PSD3: variants seen among roughly 807,000 people sequenced by gnomAD.
PSD3 encodes PH and SEC7 domain-containing protein 3.
A neutral mutation model predicts 105.5 loss-of-function variants in PSD3; 49 were observed. The ratio of observed to expected loss-of-function variants is 0.46; its 90% confidence interval spans 0.37 to 0.59. PSD3 has a LOEUF of 0.59. Among genes scored for constraint, PSD3 ranks in the 20% least tolerant of loss-of-function variants. The pLI is 0.00. For synonymous variants in PSD3, 557 were observed against 457.8 expected (o/e 1.22, Z -2.77); for missense variants, 1,561 against 1,263.8 (o/e 1.24, Z -3.57).
intron 15 of PSD3, among the ~76,000 whole-genome samples, chr8:18,548,343 G>A (rs78157794): frequency 1.3e-5 from 2 of 152,158 alleles, no homozygotes; most frequent in African/African-American, 4.8e-5. Context: ...TTGGTTACTA[G>A]AATATTATTA....
rs1351888886 is a variant in PSD3, at chr8:18,660,897, G to C, written c.2173-5212C>G. ...GATCATCATTTTTAAGAATAACAAA[G>C]CAAAGAAAATTGCTTAAATTACAGA... On this transcript the variant is annotated intron_variant, in intron 9 of 15. Coordinates refer to ENST00000327040, the MANE Select transcript of PSD3 (RefSeq NM_015310.4). Among the ~76,000 whole-genome samples, 3 of 152,268 alleles carry C rather than the reference G, an allele frequency of 2.0e-5. No homozygotes were observed. The East Asian group carries it at 5.8e-4, about 29-fold the overall frequency.
intron 1 of PSD3, among the ~76,000 whole-genome samples, chr8:18,959,617 A>C (rs1486864694): frequency 2.6e-5 from 4 of 152,054 alleles, no homozygotes; most frequent in African/African-American, 9.7e-5. Context: ...CTTTCTGCCC[A>C]CACTCACATT....
chr8:19,082,589 G>T (rs1313311318), intron 1 of PSD3, among the ~76,000 whole-genome samples: 1 of 148,218 alleles, frequency 6.7e-6, no homozygotes, highest in Non-Finnish European at 1.5e-5. Flanking sequence ...CTCTGAATTA[G>T]GTGGACAAGG....
chr8:18,825,418 T>C (rs1813094562), intron 4 of PSD3, among the ~76,000 whole-genome samples: 1 of 152,138 alleles, frequency 6.6e-6, no homozygotes, highest in Non-Finnish European at 1.5e-5. Context: ...GCAACCCGGT[T>C]TGAGAATCAC....
chr8:18,699,471 T>C lies in PSD3; in HGVS notation c.2173-43786A>G, dbSNP rs141226585. ...CACAGTCAGGCAAGACGACCCAACA[T>C]TTCTTTCTTGAGCTTATTTTCAGGT... On this transcript the variant is annotated intron_variant, in intron 9 of 15. Transcript: ENST00000327040. Among the ~76,000 whole-genome samples, 471 of 152,310 alleles carry C rather than the reference T, an allele frequency of 3.1e-3. 2 individuals are homozygous for C. Among genetic ancestry groups the C allele is most frequent in the African/African-American group, 0.011 (439 of 41,568 alleles).
chr8:18,967,707 G>T (rs546389921), intron 1 of PSD3, among the ~76,000 whole-genome samples: 3 of 152,066 alleles, frequency 2.0e-5, no homozygotes, highest in Non-Finnish European at 4.4e-5. Flanking sequence ...GATGTTGGTA[G>T]GAGGAATTCC....
intron 1 of PSD3, among the ~76,000 whole-genome samples, chr8:19,031,569 A>G (rs1200012295): frequency 6.6e-6 from 1 of 152,058 alleles, no homozygotes; most frequent in African/African-American, 2.4e-5. Context: ...TGAAAAAAGT[A>G]TCAAACACAT....
chr8:18,890,739 T>C (rs1818733061), intron 2 of PSD3, among the ~76,000 whole-genome samples: 1 of 151,980 alleles, frequency 6.6e-6, no homozygotes, highest in South Asian at 2.1e-4. Flanking sequence ...AAGCTCATTG[T>C]CTTGAGTTAC....
intron 2 of PSD3, among the ~76,000 whole-genome samples, chr8:18,897,343 G>A (rs1373401779): frequency 1.3e-5 from 2 of 152,000 alleles, no homozygotes; most frequent in Non-Finnish European, 2.9e-5. Context: ...TTATTTTTCT[G>A]GGTTCTATAT....
At chr8:18,838,519 C>T (rs541752820) in intron 4 of PSD3, among the ~76,000 whole-genome samples, 3 of 152,064 alleles carry the variant, frequency 2.0e-5, no homozygotes, top group East Asian at 1.9e-4. Flanking sequence ...AATAATGTTC[C>T]GGCTGAGCGT....
intron 2 of PSD3, among the ~76,000 whole-genome samples, chr8:18,930,607 G>C (rs1050760450): frequency 2.3e-5 from 3 of 132,958 alleles, no homozygotes; most frequent in African/African-American, 8.7e-5. Context: ...GTCTCGCTCT[G>C]TTGCCAGGCT....
At position 18,892,175 on chromosome 8, in the gene PSD3, TCACA is replaced by T. The variant is rs60102889; in HGVS notation, c.131-19446_131-19443del. 5.3e-4 allele frequency among the ~76,000 whole-genome samples: 79 copies of T among 149,970 alleles called. 1 individual carries two copies. Among genetic ancestry groups the T allele is most frequent in the African/African-American group, 1.9e-3 (76 of 40,798 alleles). On this transcript the variant is annotated intron_variant, in intron 2 of 15. Transcript: ENST00000327040. ...ATTGTTTGCTGTCACTTACTTACAATCACACACACACACACACAAACTTTATTTT... is the reference window on the plus strand; with the variant it reads ...ATTGTTTGCTGTCACTTACTTACAATCACACACACACACAAACTTTATTTT...
At chr8:18,630,315 G>C (rs1806802830) in intron 11 of PSD3, among the ~76,000 whole-genome samples, 1 of 151,928 alleles carries the variant, frequency 6.6e-6, no homozygotes, top group Non-Finnish European at 1.5e-5. Context: ...CAAGGTGTCT[G>C]TGATGTCTCA....
At chr8:18,743,304 CG>C (rs1804727010) in intron 9 of PSD3, among the ~76,000 whole-genome samples, 2 of 152,002 alleles carry the variant, frequency 1.3e-5, no homozygotes, top group Non-Finnish European at 2.9e-5. Context: ...CATAGAGGAG[CG>C]GGGAGATAGC....
At chr8:18,762,911 C>T (rs1297792094) in intron 9 of PSD3, 1 of 1,267,326 alleles carries the variant, frequency 7.9e-7, no homozygotes, top group African/African-American at 1.5e-5. Flanking sequence ...TTTATTTCAA[C>T]ATGGAATAAC....
chr8:18,664,547 A>G (rs1000491183), intron 9 of PSD3, among the ~76,000 whole-genome samples: 3 of 152,234 alleles, frequency 2.0e-5, no homozygotes, highest in African/African-American at 4.8e-5. Context: ...AGACCCTGTA[A>G]TATAAAAGTC....
rs548358518 is a variant in PSD3, at chr8:18,920,038, CAAA to C, written c.130+15993_130+15995del. On this transcript the variant is annotated intron_variant, in intron 2 of 15. Transcript: ENST00000327040. Reference sequence around the variant, plus strand: ...AAATTAAAAAAAAAAAAAACAATCACAAAAAAAAAAAAGTTTCATGGAGTTTCT... The same window carrying C: ...AAATTAAAAAAAAAAAAAACAATCACAAAAAAAAAGTTTCATGGAGTTTCT... 2.3e-4 allele frequency among the ~76,000 whole-genome samples: 31 copies of C among 134,256 alleles called. No individual in the cohort carries two copies. In the South Asian group the frequency reaches 6.5e-3, roughly 28 times the overall value. The allele number at this position is 134,256 out of a possible 152,430, so 88.1% of individuals were successfully genotyped here. A position where few individuals can be genotyped will look rare whatever the true frequency, so the allele number is the denominator to read the frequency against.
At chr8:18,952,295 A>G (rs1031489193) in intron 1 of PSD3, among the ~76,000 whole-genome samples, 28 of 152,230 alleles carry the variant, frequency 1.8e-4, no homozygotes, top group African/African-American at 6.5e-4. Flanking sequence ...TAATTGGAAC[A>G]TAAAAATAAT....
chr8:18,829,453 C>T (rs755692044), intron 4 of PSD3, among the ~76,000 whole-genome samples: 4 of 152,132 alleles, frequency 2.6e-5, no homozygotes, highest in South Asian at 2.1e-4. Flanking sequence ...TTATCTAAAA[C>T]GTTCTAGTGC....
Sources: allele counts gnomAD v4.1 joint callset (sites outside exome capture counted in the v4.1 genomes callset), GRCh38; gene constraint gnomAD v4.1.1; transcripts MANE v1.5; gene names NCBI Gene and HGNC (gene_info 2026-07-23, HGNC 2026-07-21).